The following SRCAP variants were observed in gnomAD, a reference collection of about 807,000 sequenced individuals.
SRCAP encodes Snf2 related CREBBP activator protein.
Under a neutral mutation model 263.1 loss-of-function variants are expected in SRCAP, and 46 were observed. That is an observed-to-expected ratio of 0.17 (90% CI 0.14 to 0.22). The LOEUF (loss-of-function observed/expected upper bound fraction) is 0.22, where lower values mean the gene tolerates loss of function less well. Among genes scored for constraint, SRCAP ranks in the 10% least tolerant of loss-of-function variants. The pLI, the probability that SRCAP is intolerant of heterozygous loss-of-function variation, is 1.00. For missense variants in SRCAP, 3,695 were observed against 4,181.9 expected (o/e 0.88, Z 3.21); for synonymous variants, 1,813 against 1,662.1 (o/e 1.09, Z -2.21).
At chr16:30,726,227 G>T (rs2053063224) in intron 25 of SRCAP, 2 of 152,168 alleles carry the variant, frequency 1.3e-5, no homozygotes, top group South Asian at 4.1e-4. Flanking sequence ...TTTTTATGTT[G>T]AATAATAATG....
chr16:30,733,525 C>T lies in SRCAP; in HGVS notation c.6297+76C>T, dbSNP rs1343354042. On this transcript the variant is annotated intron_variant, in intron 28 of 33. Transcript: ENST00000262518. The surrounding 1 kb of genome is among the most constrained non-coding windows in gnomAD (Gnocchi z 5.3). ...TTTTCCCAGGATTTGGGCTTCCAGA[C>T]GGGGTGCCACTAAGCCTTTAGACCT... 58 of 1,604,554 alleles carry T rather than the reference C, an allele frequency of 3.6e-5. No individual in the cohort carries two copies. The highest frequency in any genetic ancestry group is 5.1e-5 in the Admixed American group (3 of 59,266).
intron 19 of SRCAP, 29 bp downstream of exon 19, chr16:30,720,360 T>C: frequency 6.3e-7 from 1 of 1,592,808 alleles, no homozygotes; most frequent in East Asian, 2.3e-5. Flanking sequence ...GAGGGGATGG[T>C]TCCTAGAATA....
At chr16:30,714,150 T>C (rs2052921590) in intron 16 of SRCAP, among the ~76,000 whole-genome samples, 1 of 150,702 alleles carries the variant, frequency 6.6e-6, no homozygotes, top group South Asian at 2.1e-4. Context: ...CTGCAAGCTT[T>C]GCCTCCCAGG....
intron 3 of SRCAP, chr16:30,701,494 G>T (rs553703149): frequency 3.9e-5 from 6 of 152,148 alleles, no homozygotes; most frequent in Non-Finnish European, 8.8e-5. Context: ...AGAAACTGGG[G>T]AAATTTGTGA....
rs373655977 is a variant in SRCAP, at chr16:30,715,389, C to T, written c.2494-677C>T. Among the ~76,000 whole-genome samples, 69 of 152,256 alleles carry T rather than the reference C, an allele frequency of 4.5e-4. 1 individual carries two copies. Among genetic ancestry groups the T allele is most frequent in the Non-Finnish European group, 6.9e-4 (47 of 68,016 alleles). On this transcript the variant is annotated intron_variant, in intron 16 of 33. Transcript: ENST00000262518. ...CACCATCCTGGCTAAAATGGTGAAA[C>T]CCCGTCTCTACTAAAAATACAAAAA...
At chr16:30,708,975 C>T (rs146516584) in intron 6 of SRCAP, among the ~76,000 whole-genome samples, 13 of 152,178 alleles carry the variant, frequency 8.5e-5, no homozygotes, top group African/African-American at 2.9e-4. Flanking sequence ...CCCGCCACCA[C>T]GCCTGGCTAA....
chr16:30,734,173 T>C (rs1222996914), intron 30 of SRCAP, 165 bp downstream of exon 30: 5 of 679,072 alleles, frequency 7.4e-6, no homozygotes, highest in African/African-American at 7.3e-5. Context: ...TGAAACCCTG[T>C]CTCTACTAAA....
chr16:30,710,971 A>G (rs772597284), intron 9 of SRCAP, 28 bp from the exon 10 acceptor site: 7 of 1,607,530 alleles, frequency 4.4e-6, no homozygotes, highest in South Asian at 1.1e-5. Context: ...CTCTATCCCT[A>G]TTAATCTTGC....
rs781181649 is a variant in SRCAP, at chr16:30,738,954, C to T, written c.8914C>T (p.Pro2972Ser). ...SESRTQPPPH[P>S]SPLTPLPPLL... Reference sequence around the variant, plus strand: ...AAGTCGGACACAGCCACCCCCACACCCATCACCCCTAACCCCACTCCCACC... The same window carrying T: ...AAGTCGGACACAGCCACCCCCACACTCATCACCCCTAACCCCACTCCCACC... Residue 2972 changes from proline to serine, a missense_variant, in exon 34 of 34, where the codon CCA becomes TCA. Physicochemically the swap from Pro to Ser is moderately conservative, Grantham distance 74. Transcript: ENST00000262518. The T allele has an allele frequency of 1.2e-6, 2 of 1,613,774 alleles. No homozygotes were observed. Among genetic ancestry groups the T allele is most frequent in the Non-Finnish European group, 1.7e-6 (2 of 1,179,846 alleles).
intron 16 of SRCAP, among the ~76,000 whole-genome samples, chr16:30,713,938 C>T (rs909553665): frequency 6.6e-5 from 10 of 150,380 alleles, no homozygotes; most frequent in African/African-American, 2.4e-4. Flanking sequence ...TGCTTTGTCG[C>T]CCAGGCTGGA....
intron 20 of SRCAP, 72 bp downstream of exon 20, chr16:30,721,050 GAAATT>G: frequency 6.5e-7 from 1 of 1,546,662 alleles, no homozygotes; most frequent in South Asian, 1.2e-5. Flanking sequence ...AGGAAGTAGT[GAAATT>G]AAAGGGTTTG....
At position 30,738,842 on chromosome 16, in the gene SRCAP, G is replaced by A. The variant is rs749527877; in HGVS notation, c.8802G>A (p.Val2934=). 4.8e-5 allele frequency: 78 copies of A among 1,613,976 alleles called. No homozygotes were observed. In the South Asian group the frequency reaches 8.0e-4, roughly 17 times the overall value. The change falls in exon 34 of 34, where the codon GTG becomes GTA. Residue 2934 remains valine, a synonymous_variant. Transcript: ENST00000262518. ...VHRPNPLLSP[V]EKRRRGRPPK... ...GACCCAATCCCCTCCTGTCACCTGT[G>A]GAGAAAAGAAGGCGAGGACGACCCC... is the stretch of plus-strand genomic sequence containing the variant.
At position 30,723,575 on chromosome 16, in the gene SRCAP, T is replaced by C. The variant is rs1209059295; in HGVS notation, c.4160-9T>C. 6.2e-7 allele frequency: 1 copy of C among 1,607,174 alleles called. No homozygotes were observed. Among genetic ancestry groups the C allele is most frequent in the East Asian group, 2.2e-5 (1 of 44,836 alleles). On this transcript the variant is annotated splice_polypyrimidine_tract_variant and intron_variant, in intron 24 of 33. Coordinates refer to ENST00000262518, the MANE Select transcript of SRCAP (RefSeq NM_006662.3). The stretch of plus-strand genomic sequence containing the variant: ...AATTCTGGGGCTAACTCATCCTCTC[T>C]CTCCACAGCTTCAGCCCCCGGAGCT...
rs773623984 is a variant in SRCAP, at chr16:30,737,933, C to A, written c.7893C>A (p.Thr2631=). 6.2e-6 allele frequency: 10 copies of A among 1,614,054 alleles called. No individual in the cohort carries two copies. In the African/African-American group the frequency reaches 1.1e-4, roughly 17 times the overall value. ...AGGCACCAGATTCTGCTGAGGGGAC[C>A]ACCCTTACAGTGCTGCCTGAAGGTG... is the stretch of plus-strand genomic sequence containing the variant. ...EQEAPDSAEG[T]TLTVLPEGEE... Residue 2631 remains threonine (T), a synonymous_variant, in exon 34 of 34, where the codon ACC becomes ACA. Coordinates refer to ENST00000262518, the MANE Select transcript of SRCAP (RefSeq NM_006662.3).
At position 30,733,835 on chromosome 16, in the gene SRCAP, A is replaced by G; in HGVS notation, c.6494+37A>G. On this transcript the variant is annotated intron_variant, in intron 29 of 33. Coordinates refer to ENST00000262518, the MANE Select transcript of SRCAP (RefSeq NM_006662.3). The surrounding 1 kb of genome is among the most constrained non-coding windows in gnomAD (Gnocchi z 5.3). ...TCTTCCCTCACCTTACTTTCCGTTT[A>G]CTGATGGGGTTTCCTGGATATATTT... 1 of 1,611,692 alleles carries G rather than the reference A, an allele frequency of 6.2e-7. No individual in the cohort carries two copies. Among genetic ancestry groups the G allele is most frequent in the Admixed American group, 1.7e-5 (1 of 59,842 alleles).
At position 30,720,695 on chromosome 16, in the gene SRCAP, C is replaced by T. The variant is rs1225560868; in HGVS notation, c.2988-18C>T. 1 of 1,577,318 alleles carries T rather than the reference C, an allele frequency of 6.3e-7. No homozygotes were observed. Among genetic ancestry groups the T allele is most frequent in the South Asian group, 1.2e-5 (1 of 86,556 alleles). On this transcript the variant is annotated intron_variant, in intron 19 of 33. Coordinates refer to ENST00000262518, the MANE Select transcript of SRCAP (RefSeq NM_006662.3). ...TTCTCCTTCTGTCCCTACCCACTCT[C>T]TTAATTTTTTCTCACAGGATGCTGC... is the stretch of plus-strand genomic sequence containing the variant.
intron 32 of SRCAP, 24 bp downstream of exon 32, chr16:30,736,418 T>C (rs2053161069): frequency 6.2e-7 from 1 of 1,604,682 alleles, no homozygotes; most frequent in South Asian, 1.1e-5. Context: ...CCACTAGTTC[T>C]TGACTTTACT....
intron 8 of SRCAP, among the ~76,000 whole-genome samples, 183 bp downstream of exon 8, chr16:30,710,311 A>T (rs1301113200): frequency 6.6e-6 from 1 of 152,208 alleles, no homozygotes; most frequent in Non-Finnish European, 1.5e-5. Context: ...TGTGATTGGC[A>T]GGTTTTGGCG....
rs757440326 is a variant in SRCAP at position 30,704,279 on chromosome 16, G to A, written c.270G>A (p.Glu90=). 4 of 1,612,878 alleles carry A rather than the reference G, an allele frequency of 2.5e-6. No individual in the cohort carries two copies. The highest frequency in any genetic ancestry group is 2.7e-5 in the African/African-American group (2 of 74,932). ...TGGCTAACAAGGGCCCGAAGTGGGA[G>A]AAGAGCCATGCCGAAATTGCAGAAC... ...ADLANKGPKW[E]KSHAEIAEQA... The change falls in exon 4 of 34, where the codon GAG becomes GAA. Residue 90 remains glutamate, a synonymous_variant. Coordinates refer to ENST00000262518, the MANE Select transcript of SRCAP (RefSeq NM_006662.3).
Sources: gnomAD v4.1 joint callset for allele counts (sites outside exome capture counted in the v4.1 genomes callset) on GRCh38, gnomAD v4.1.1 for gene constraint, Gnocchi (gnomAD v3.1) non-coding constraint, MANE v1.5 for transcripts, NCBI Gene and HGNC (gene_info 2026-07-23, HGNC 2026-07-21) for gene names.